Variants in GALNT8 observed in about 807,000 individuals in gnomAD.
GALNT8 encodes the protein polypeptide N-acetylgalactosaminyltransferase 8.
Under a neutral mutation model 62.7 loss-of-function variants are expected in GALNT8, and 66 were observed. The ratio of observed to expected loss-of-function variants is 1.05; its 90% confidence interval spans 0.86 to 1.29. GALNT8 has a LOEUF of 1.29. GALNT8 is among the 50% of genes most tolerant of loss of function. The probability of loss-of-function intolerance (pLI) is 0.00; values close to 1 mark genes in which losing one functional copy is unlikely to be tolerated. For synonymous variants in GALNT8, 288 were observed against 294.3 expected (o/e 0.98, Z 0.22); for missense variants, 771 against 791.8 (o/e 0.97, Z 0.32).
At chr12:4,736,084 C>T (rs1946243493) in intron 2 of GALNT8, among the ~76,000 whole-genome samples, 1 of 152,132 alleles carries the variant, frequency 6.6e-6, no homozygotes, top group Non-Finnish European at 1.5e-5. Flanking sequence ...AAGAAGAGCC[C>T]TCCTTGGATC....
At position 4,739,194 on chromosome 12, in the gene GALNT8, C is replaced by A; in HGVS notation, c.541C>A (p.Pro181Thr). 1 of 1,612,616 alleles carries A rather than the reference C, an allele frequency of 6.2e-7. No homozygotes were observed. The highest frequency in any genetic ancestry group is 8.5e-7 in the Non-Finnish European group (1 of 1,178,756). The change falls in exon 3 of 11, where the codon CCA (proline) becomes ACA (threonine). Residue 181 changes from proline (P) to threonine (T), a missense_variant. Coordinates refer to ENST00000252318, the MANE Select transcript of GALNT8 (RefSeq NM_017417.2). ...CLRKTYPSQL[P>T]SLSVILIFVN... ...TCGGAAGACATATCCTTCCCAACTC[C>A]CATCCCTCAGTGTCATTCTCATATT...
Position 4,750,893 on chromosome 12 carries a change from A to T in GALNT8, c.1173+4635A>T, listed in dbSNP as rs114556134. Among the ~76,000 whole-genome samples, 1,106 of 152,206 alleles carry T rather than the reference A, an allele frequency of 7.3e-3. 15 individuals are homozygous for T. The highest frequency in any genetic ancestry group is 0.026 in the African/African-American group (1,061 of 41,538). The stretch of plus-strand genomic sequence containing the variant: ...CTTCAAACTATACTACAGGGCTACA[A>T]CAACCAAAACATCATGGTACTAGTA... On this transcript the variant is annotated intron_variant, in intron 6 of 10. Transcript: ENST00000252318.
intron 1 of GALNT8, among the ~76,000 whole-genome samples, chr12:4,724,980 G>T (rs1364594630): frequency 6.6e-6 from 1 of 152,164 alleles, no homozygotes; most frequent in Non-Finnish European, 1.5e-5. Flanking sequence ...CCCTCACCAA[G>T]CTGCTGACCC....
Position 4,750,902 on chromosome 12 carries a change from ACAT to A in GALNT8, c.1173+4648_1173+4650del, listed in dbSNP as rs1422544588. Among the ~76,000 whole-genome samples the A allele has an allele frequency of 2.0e-5, 3 of 152,164 alleles. No homozygotes were observed. The East Asian group carries it at 5.8e-4, about 29-fold the overall frequency. ...ATACTACAGGGCTACAACAACCAAA[ACAT>A]CATGGTACTAGTACAAAAACGGACA... On this transcript the variant is annotated intron_variant, in intron 6 of 10. Coordinates refer to ENST00000252318, the MANE Select transcript of GALNT8 (RefSeq NM_017417.2).
At chr12:4,722,153 T>C (rs1280764469) in intron 1 of GALNT8, among the ~76,000 whole-genome samples, 1 of 152,180 alleles carries the variant, frequency 6.6e-6, no homozygotes, top group Non-Finnish European at 1.5e-5. Context: ...GTCTAGTTCT[T>C]TCTACACAGA....
chr12:4,762,667 T>C lies in GALNT8; in HGVS notation c.1360-586T>C, dbSNP rs142909107. Reference sequence around the variant, plus strand: ...AGCAGAATTTTCTAGGGTTTAAGGTTTTTCCACTTTCTCTGGAAATATAAA... The same window carrying C: ...AGCAGAATTTTCTAGGGTTTAAGGTCTTTCCACTTTCTCTGGAAATATAAA... On this transcript the variant is annotated intron_variant, in intron 7 of 10. Transcript: ENST00000252318. Among the ~76,000 whole-genome samples, 346 of 152,304 alleles carry C rather than the reference T, an allele frequency of 2.3e-3. 2 individuals carry two copies. The highest frequency in any genetic ancestry group is 7.7e-3 in the African/African-American group (322 of 41,556).
intron 9 of GALNT8, 27 bp from the exon 10 acceptor site, chr12:4,765,352 C>CTT (rs35971936): frequency 1.1e-3 from 1,106 of 1,012,828 alleles, no homozygotes; most frequent in South Asian, 3.2e-3. Flanking sequence ...GAGCCCTCTG[C>CTT]TTTTTTTTTT....
At chr12:4,736,190 A>G (rs1381080588) in intron 2 of GALNT8, among the ~76,000 whole-genome samples, 3 of 152,148 alleles carry the variant, frequency 2.0e-5, no homozygotes, top group African/African-American at 7.2e-5. Flanking sequence ...CAACCAGAAC[A>G]CAGATCCATC....
intron 7 of GALNT8, among the ~76,000 whole-genome samples, chr12:4,762,021 A>C (rs902579508): frequency 7.2e-5 from 11 of 152,170 alleles, no homozygotes; most frequent in Admixed American, 6.5e-4. Context: ...AGGTCTGGAG[A>C]TTGTAAAAAT....
In GALNT8 at chr12:4,772,564, T is replaced by C. The variant is rs1946430151; in HGVS notation, c.1881T>C (p.Thr627=). ...CGCAAGTGTGGGAAATCCAGCACAC[T>C]GTCAGAGACTGGGGTCAGACCAACA... ...CSTQVWEIQH[T]VRDWGQTNSQ Residue 627 remains threonine (T), a synonymous_variant, in exon 11 of 11, where the codon ACT becomes ACC. Transcript: ENST00000252318. 10 of 1,613,832 alleles carry C rather than the reference T, an allele frequency of 6.2e-6. No individual in the cohort carries two copies. In the East Asian group the frequency reaches 2.0e-4, roughly 32 times the overall value.
chr12:4,757,016 C>G (rs1452500317), intron 6 of GALNT8, among the ~76,000 whole-genome samples: 2 of 152,206 alleles, frequency 1.3e-5, no homozygotes, highest in Non-Finnish European at 2.9e-5. Context: ...TGAGTTTTCA[C>G]AAGATCTGAT....
intron 3 of GALNT8, among the ~76,000 whole-genome samples, chr12:4,743,969 G>T (rs1162154358): frequency 6.6e-6 from 1 of 152,218 alleles, no homozygotes; most frequent in Non-Finnish European, 1.5e-5. Flanking sequence ...TCTAGGAATA[G>T]TGAATCTTGT....
At chr12:4,769,637 A>G (rs967336424) in intron 10 of GALNT8, among the ~76,000 whole-genome samples, 6 of 152,100 alleles carry the variant, frequency 3.9e-5, no homozygotes, top group African/African-American at 1.4e-4. Flanking sequence ...ATTTATATAA[A>G]GAAGCAAGAT....
At chr12:4,730,427 C>G (rs768846536) in intron 2 of GALNT8, among the ~76,000 whole-genome samples, 25 of 152,078 alleles carry the variant, frequency 1.6e-4, no homozygotes, top group Admixed American at 1.3e-4. Flanking sequence ...TCTTTTTAAA[C>G]GTGGGTATTC....
chr12:4,761,053 T>C lies in GALNT8; in HGVS notation c.1269T>C (p.Ala423=). Residue 423 remains alanine, a synonymous_variant, in exon 7 of 11, where the codon GCT becomes GCC. Coordinates refer to ENST00000252318, the MANE Select transcript of GALNT8 (RefSeq NM_017417.2). ...AGCCCTACGCCTTGGATCTCACCGC[T>C]GCCTTGAAGCGCAATGCTCTGCGAG... is the stretch of plus-strand genomic sequence containing the variant. ...HHKPYALDLT[A]ALKRNALRVA... 6.2e-7 allele frequency: 1 copy of C among 1,614,094 alleles called. No homozygotes were observed. Among genetic ancestry groups the C allele is most frequent in the South Asian group, 1.1e-5 (1 of 91,066 alleles).
At chr12:4,729,130 G>C (rs1357801788) in intron 2 of GALNT8, among the ~76,000 whole-genome samples, 1 of 125,266 alleles carries the variant, frequency 8.0e-6, no homozygotes, top group Non-Finnish European at 1.8e-5. Context: ...TTGGAAATGT[G>C]ACTGTTTTTA....
chr12:4,721,367 C>T (rs1052751965), intron 1 of GALNT8, among the ~76,000 whole-genome samples: 1 of 151,892 alleles, frequency 6.6e-6, no homozygotes, highest in Non-Finnish European at 1.5e-5. Flanking sequence ...GTTCAGCATA[C>T]GGAGGATCCC....
rs938043974 is a variant in GALNT8, at chr12:4,749,772, A to G, written c.1173+3514A>G. On this transcript the variant is annotated intron_variant, in intron 6 of 10. Coordinates refer to ENST00000252318, the MANE Select transcript of GALNT8 (RefSeq NM_017417.2). The surrounding 1 kb of genome is among the most constrained non-coding windows in gnomAD (Gnocchi z 4.1). ...TTCTTTAAATATTCGGTAGAAATCA[A>G]CAGTGAAACCACTGAGTCCCAGGTT... Among the ~76,000 whole-genome samples the G allele has an allele frequency of 7.9e-5, 12 of 152,092 alleles. No homozygotes were observed. The highest frequency in any genetic ancestry group is 2.9e-4 in the African/African-American group (12 of 41,414).
chr12:4,754,752 G>A (rs531123694), intron 6 of GALNT8, among the ~76,000 whole-genome samples: 2 of 152,246 alleles, frequency 1.3e-5, no homozygotes, highest in South Asian at 2.1e-4. Context: ...GGCCCTCAAT[G>A]TAGTATTGGG....
Sources: gnomAD v4.1 joint callset for allele counts (sites outside exome capture counted in the v4.1 genomes callset) on GRCh38, gnomAD v4.1.1 for gene constraint, Gnocchi (gnomAD v3.1) non-coding constraint, MANE v1.5 for transcripts, NCBI Gene and HGNC (gene_info 2026-07-23, HGNC 2026-07-21) for gene names.